Variants in PTER observed in about 807,000 individuals in gnomAD.
PTER encodes N-acetyltaurine hydrolase.
In PTER, 38 loss-of-function variants were observed where a neutral mutation model predicts 29.6. The observed-to-expected ratio is 1.28, with a 90% confidence interval of 0.99 to 1.68. The LOEUF is 1.68. PTER is among the 40% of genes most tolerant of loss of function. The pLI, the probability that PTER is intolerant of heterozygous loss-of-function variation, is 0.00. For synonymous variants in PTER, 172 were observed against 154.5 expected (o/e 1.11, Z -0.84); for missense variants, 482 against 427.8 (o/e 1.13, Z -1.12).
intron 3 of PTER, among the ~76,000 whole-genome samples, chr10:16,504,773 T>G (rs1487493386): frequency 1.3e-5 from 2 of 152,228 alleles, no homozygotes. Context: ...ATCATTAAAC[T>G]AAGTCTGTAG....
chr10:16,492,512 G>A (rs1835935938), intron 3 of PTER, among the ~76,000 whole-genome samples: 1 of 152,064 alleles, frequency 6.6e-6, no homozygotes, highest in Non-Finnish European at 1.5e-5. Flanking sequence ...CATCTTCAAG[G>A]AGATTTTATC....
intron 3 of PTER, among the ~76,000 whole-genome samples, chr10:16,496,620 C>T (rs143726973): frequency 6.4e-4 from 97 of 152,320 alleles, no homozygotes; most frequent in African/African-American, 2.1e-3. Flanking sequence ...CTTTGCCAAC[C>T]TAGTTCCTAG....
chr10:16,476,011 T>G (rs1015919040), intron 1 of PTER: 4 of 152,240 alleles, frequency 2.6e-5, no homozygotes, highest in Non-Finnish European at 5.9e-5. Context: ...CTATTGCTTC[T>G]TGGCCTTTTG....
chr10:16,454,571 C>CA (rs201801388), intron 1 of PTER, among the ~76,000 whole-genome samples: 2,790 of 139,094 alleles, frequency 0.02, 87 homozygotes, highest in African/African-American at 0.068. Context: ...ATGAGACTCT[C>CA]AAAAAAAAAA....
At chr10:16,488,529 G>A (rs960498469) in intron 3 of PTER, among the ~76,000 whole-genome samples, 1 of 151,616 alleles carries the variant, frequency 6.6e-6, no homozygotes, top group Non-Finnish European at 1.5e-5. Flanking sequence ...TGTTCTATAT[G>A]TCTATTAGAA....
At chr10:16,504,920 A>G in intron 3 of PTER, 100 bp from the exon 4 acceptor site, 2 of 1,358,560 alleles carry the variant, frequency 1.5e-6, no homozygotes, top group South Asian at 1.5e-5. Context: ...GACTTCAACT[A>G]TGTTCTTGTT....
chr10:16,445,161 C>T (rs1340342026), intron 1 of PTER, among the ~76,000 whole-genome samples: 1 of 152,096 alleles, frequency 6.6e-6, no homozygotes. Context: ...AAATTCGATA[C>T]CTATATAAGG....
rs1836889779 is a variant in PTER, at chr10:16,513,475, T to G, written c.*2219T>G. 8.3e-6 allele frequency: 1 copy of G among 121,020 alleles called. No homozygotes were observed. 7.5% of individuals were successfully genotyped at this position (121,020 alleles called of 1,614,324 possible). The stretch of plus-strand genomic sequence containing the variant: ...ATATATATATGTGTGTGTGAGTATA[T>G]GTGTGCATGTTTAGCAGATATTTGT... On this transcript the variant is annotated 3_prime_UTR_variant, in exon 5 of 5. Coordinates refer to ENST00000535784, the MANE Select transcript of PTER (RefSeq NM_001261836.2).
At chr10:16,486,899 C>T (rs886235353) in intron 3 of PTER, 1 of 304,518 alleles carries the variant, frequency 3.3e-6, no homozygotes, top group Non-Finnish European at 6.1e-6. Flanking sequence ...TAACTCATAA[C>T]AGGTGTCACT....
Position 16,476,901 on chromosome 10 carries a change from C to CTCTCTCTCTTTTTTTTTT in PTER, c.-48-7435_-48-7434insCTCTCTCTTTTTTTTTTT, listed in dbSNP as rs1214090481. On this transcript the variant is annotated intron_variant, in intron 1 of 4. Transcript: ENST00000535784. ...CAAACCACCCCTCCATCCTAGAATT[C>CTCTCTCTCTTTTTTTTTT]TTTTTTTTTTTTTTTTTTTTTTGAG... Among the ~76,000 whole-genome samples the CTCTCTCTCTTTTTTTTTT allele has an allele frequency of 5.5e-3, 554 of 100,348 alleles. 62 individuals carry two copies. Among genetic ancestry groups the CTCTCTCTCTTTTTTTTTT allele is most frequent in the African/African-American group, 0.024 (535 of 22,336 alleles). 65.8% of individuals were successfully genotyped at this position (100,348 alleles called of 152,430 possible).
chr10:16,462,314 G>T (rs1794684663), intron 1 of PTER, among the ~76,000 whole-genome samples: 1 of 152,014 alleles, frequency 6.6e-6, no homozygotes, highest in Non-Finnish European at 1.5e-5. Flanking sequence ...AGAGGTGGTT[G>T]GATTGAGAGA....
chr10:16,484,718 A>C lies in PTER; in HGVS notation c.334A>C (p.Arg112=), dbSNP rs1235887717. ...TAGCCGAGACACACAGACGTTGAAG[A>C]GGCTTGCAGAAGAGACTGGCGTCCA... ...GISRDTQTLK[R]LAEETGVHII... Residue 112 remains arginine, a synonymous_variant, in exon 2 of 5, where the codon AGG becomes CGG. Coordinates refer to ENST00000535784, the MANE Select transcript of PTER (RefSeq NM_001261836.2). 2 of 1,614,002 alleles carry C rather than the reference A, an allele frequency of 1.2e-6. No individual in the cohort carries two copies. The highest frequency in any genetic ancestry group is 2.7e-5 in the African/African-American group (2 of 74,906).
At chr10:16,473,202 A>G (rs1361866888) in intron 1 of PTER, among the ~76,000 whole-genome samples, 8 of 152,038 alleles carry the variant, frequency 5.3e-5, no homozygotes, top group Middle Eastern at 3.2e-3. Context: ...AACACTAGAT[A>G]CTATGTAACT....
chr10:16,442,908 G>T (rs560477449), intron 1 of PTER, among the ~76,000 whole-genome samples: 1 of 152,198 alleles, frequency 6.6e-6, no homozygotes, highest in East Asian at 1.9e-4. Flanking sequence ...GGAGGCGAAG[G>T]TTGCAGTGAG....
chr10:16,514,546 A>G (rs147489406), downstream of PTER: 7 of 1,613,448 alleles, frequency 4.3e-6, no homozygotes, highest in Non-Finnish European at 5.1e-6. Flanking sequence ...CATAAATAAT[A>G]AATCCAGAAA....
downstream of PTER, chr10:16,513,766 A>G (rs1400447892): frequency 6.6e-6 from 1 of 152,610 alleles, no homozygotes; most frequent in Non-Finnish European, 1.5e-5. Flanking sequence ...TTCAGTTGAC[A>G]AAATGGACAC....
At chr10:16,476,487 C>CT (rs1203113814) in intron 1 of PTER, among the ~76,000 whole-genome samples, 2 of 152,194 alleles carry the variant, frequency 1.3e-5, no homozygotes, top group Admixed American at 1.3e-4. Context: ...AGTGAGGAAA[C>CT]TAAGTCATGA....
intron 3 of PTER, among the ~76,000 whole-genome samples, chr10:16,495,171 T>C (rs1836046309): frequency 1.2e-5 from 1 of 83,586 alleles, no homozygotes; most frequent in Admixed American, 1.3e-4. Flanking sequence ...GGAATTACTT[T>C]TTTTTTTTTT....
At chr10:16,437,075 G>A (rs1476318725) in intron 1 of PTER, 28 bp downstream of exon 1, 2 of 152,426 alleles carry the variant, frequency 1.3e-5, no homozygotes, top group African/African-American at 4.8e-5. Context: ...CAGAGCAGGA[G>A]CCGGAACTGT....
Sources: allele counts gnomAD v4.1 joint callset (sites outside exome capture counted in the v4.1 genomes callset), GRCh38; gene constraint gnomAD v4.1.1; transcripts MANE v1.5; gene names NCBI Gene and HGNC (gene_info 2026-07-23, HGNC 2026-07-21).